Variants in SMC3 observed in about 807,000 individuals in gnomAD.
The protein encoded by SMC3 is structural maintenance of chromosomes protein 3.
In SMC3, 20 loss-of-function variants were observed where a neutral mutation model predicts 171.8. The observed-to-expected ratio is 0.12, with a 90% confidence interval of 0.08 to 0.17. The LOEUF (loss-of-function observed/expected upper bound fraction) is 0.17, where lower values mean the gene tolerates loss of function less well. Ranked by LOEUF, SMC3 falls within the 10% of genes least tolerant of loss-of-function variation. The pLI is 1.00. For synonymous variants in SMC3, 464 were observed against 451.1 expected (o/e 1.03, Z -0.36); for missense variants, 543 against 1,420.4 (o/e 0.38, Z 9.93).
intron 7 of SMC3, among the ~76,000 whole-genome samples, chr10:110,579,943 A>G (rs2419573): frequency 6.6e-6 from 1 of 151,528 alleles, no homozygotes; most frequent in Non-Finnish European, 1.5e-5. Context: ...TTCTCTCTAT[A>G]TTTAAAGCAT....
Position 110,604,382 on chromosome 10 carries a change from A to G in SMC3, c.*80A>G. The G allele has an allele frequency of 9.5e-7, 1 of 1,055,298 alleles. No individual in the cohort carries two copies. The highest frequency in any genetic ancestry group is 2.4e-5 in the East Asian group (1 of 41,300). 65.4% of individuals were successfully genotyped at this position (1,055,298 alleles called of 1,614,324 possible). A position where few individuals can be genotyped will look rare whatever the true frequency, so the allele number is the denominator to read the frequency against. ...ACCCAGGAACTGTAAATTTAAACCT[A>G]AATATTTGGCCAATAGTTTTCAGAC... On this transcript the variant is annotated 3_prime_UTR_variant, in exon 29 of 29. Transcript: ENST00000361804.
At chr10:110,595,136 C>T (rs1405449188) in intron 18 of SMC3, among the ~76,000 whole-genome samples, 1 of 152,056 alleles carries the variant, frequency 6.6e-6, no homozygotes, top group Non-Finnish European at 1.5e-5. Flanking sequence ...ACATGCGCCA[C>T]TATGCCCGGC....
intron 13 of SMC3, among the ~76,000 whole-genome samples, chr10:110,587,756 T>C (rs1861145581): frequency 6.6e-6 from 1 of 152,120 alleles, no homozygotes. Context: ...GTCTGAATTG[T>C]TTAGGACTGT....
intron 13 of SMC3, among the ~76,000 whole-genome samples, chr10:110,584,857 T>C (rs1178053359): frequency 6.6e-6 from 1 of 152,196 alleles, no homozygotes; most frequent in African/African-American, 2.4e-5. Flanking sequence ...AATCTTGGGC[T>C]TAAGCAATCC....
In SMC3 at chr10:110,589,302, T is replaced by C. The variant is rs12260969; in HGVS notation, c.1306-303T>C. The stretch of plus-strand genomic sequence containing the variant: ...TCATTGAGGTATAATTCACATACAG[T>C]AAATTGTACATATTTAGTGTACATC... On this transcript the variant is annotated intron_variant, in intron 13 of 28. Coordinates refer to ENST00000361804, the MANE Select transcript of SMC3 (RefSeq NM_005445.4). Among the ~76,000 whole-genome samples, 3,708 of 152,298 alleles carry C rather than the reference T, an allele frequency of 0.024. 145 individuals carry two copies. Among genetic ancestry groups the C allele is most frequent in the African/African-American group, 0.084 (3,492 of 41,548 alleles).
chr10:110,602,212 A>G (rs1421112691), intron 25 of SMC3, 34 bp downstream of exon 25: 3 of 1,535,708 alleles, frequency 2.0e-6, no homozygotes, highest in Non-Finnish European at 2.7e-6. Flanking sequence ...ACATACACAC[A>G]GAGGACAAAA....
intron 13 of SMC3, among the ~76,000 whole-genome samples, chr10:110,587,055 TTTA>T (rs944527166): frequency 6.6e-6 from 1 of 152,196 alleles, no homozygotes; most frequent in African/African-American, 2.4e-5. Context: ...TTTTGGTGGT[TTTA>T]TTATGCTTTA....
In SMC3 at chr10:110,589,883, AT is replaced by A. The variant is rs1373141625; in HGVS notation, c.1410-6del. On this transcript the variant is annotated splice_polypyrimidine_tract_variant and splice_region_variant and intron_variant, in intron 14 of 28. Coordinates refer to ENST00000361804, the MANE Select transcript of SMC3 (RefSeq NM_005445.4). Reference sequence around the variant, plus strand: ...TAAAATTAAAGACAGTCTACTTTTTATTTATTAGCTACTTGTGGAGAGAAGA... The same window carrying A: ...TAAAATTAAAGACAGTCTACTTTTTATTATTAGCTACTTGTGGAGAGAAGA... The A allele has an allele frequency of 6.2e-7, 1 of 1,611,654 alleles. No homozygotes were observed. The highest frequency in any genetic ancestry group is 1.3e-5 in the African/African-American group (1 of 74,590).
Position 110,578,661 on chromosome 10 carries a change from T to C in SMC3, c.384T>C (p.Ala128=), listed in dbSNP as rs376176857. The change falls in exon 7 of 29, where the codon GCT becomes GCC. Residue 128 remains alanine (A), a synonymous_variant. Coordinates refer to ENST00000361804, the MANE Select transcript of SMC3 (RefSeq NM_005445.4). ...KNDVMNLLES[A]GFSRSNPYYI... is the part of the protein sequence containing the mutation. ...ATGTGATGAACCTCCTTGAAAGCGC[T>C]GGTTTTTCTCGAAGCAATCCTTATT... 8.1e-6 allele frequency: 13 copies of C among 1,611,086 alleles called. No individual in the cohort carries two copies. In the African/African-American group the frequency reaches 1.2e-4, roughly 15 times the overall value.
chr10:110,567,910 C>T (rs1215748634), intron 1 of SMC3, 79 bp downstream of exon 1: 2 of 1,436,804 alleles, frequency 1.4e-6, no homozygotes, highest in Admixed American at 2.1e-5. Context: ...CGGCGCCACC[C>T]GCAGCCTCTC....
At chr10:110,600,217 G>A (rs1861364996) in intron 21 of SMC3, among the ~76,000 whole-genome samples, 1 of 152,130 alleles carries the variant, frequency 6.6e-6, no homozygotes, top group Non-Finnish European at 1.5e-5. Context: ...TAAAGAAACT[G>A]TTTTTGACAG....
intron 13 of SMC3, among the ~76,000 whole-genome samples, chr10:110,585,409 C>T (rs1861096360): frequency 6.6e-6 from 1 of 151,794 alleles, no homozygotes; most frequent in African/African-American, 2.4e-5. Context: ...CTGCCTCAGC[C>T]TCCCGAGTGG....
intron 19 of SMC3, among the ~76,000 whole-genome samples, chr10:110,597,044 T>C (rs1351600168): frequency 6.6e-6 from 1 of 151,582 alleles, no homozygotes; most frequent in African/African-American, 2.4e-5. Flanking sequence ...CTTGGGAGGC[T>C]GAGGCAGGAG....
intron 18 of SMC3, among the ~76,000 whole-genome samples, chr10:110,594,164 C>G (rs957314401): frequency 7.3e-5 from 11 of 151,412 alleles, no homozygotes; most frequent in African/African-American, 2.7e-4. Flanking sequence ...CTGTTTGAAG[C>G]ATATGGATCC....
intron 28 of SMC3, among the ~76,000 whole-genome samples, 168 bp downstream of exon 28, chr10:110,603,458 AT>A (rs763854099): frequency 9.9e-5 from 15 of 152,186 alleles, no homozygotes; most frequent in Admixed American, 6.5e-4. Context: ...GTTTAGCAGT[AT>A]TTTATGGCGT....
At chr10:110,577,109 G>A (rs144503846) in intron 4 of SMC3, among the ~76,000 whole-genome samples, 500 of 152,218 alleles carry the variant, frequency 3.3e-3, no homozygotes, top group Non-Finnish European at 5.2e-3. Flanking sequence ...ACTTTGACAT[G>A]TCTTGCATAG....
chr10:110,581,606 C>T (rs553600879), intron 8 of SMC3, among the ~76,000 whole-genome samples: 2 of 152,122 alleles, frequency 1.3e-5, no homozygotes, highest in Non-Finnish European at 2.9e-5. Context: ...AATTTGTTCT[C>T]TGGTGCTTTT....
chr10:110,596,498 A>G lies in SMC3; in HGVS notation c.2064A>G (p.Glu688=), dbSNP rs767751857. ...LQKDVRKAEE[E]LGELEAKLNE... ...AAGATGTTAGAAAAGCAGAAGAAGA[A>G]CTAGGTGAACTTGAAGCAAAGCTCA... The change falls in exon 19 of 29, where the codon GAA becomes GAG. Residue 688 remains glutamate (E), a synonymous_variant. Coordinates refer to ENST00000361804, the MANE Select transcript of SMC3 (RefSeq NM_005445.4). 1.4e-5 allele frequency: 23 copies of G among 1,613,998 alleles called. No individual in the cohort carries two copies. Among genetic ancestry groups the G allele is most frequent in the East Asian group, 4.5e-5 (2 of 44,872 alleles).
chr10:110,590,357 C>A (rs2134736517), intron 15 of SMC3, 55 bp from the exon 16 acceptor site: 1 of 1,437,800 alleles, frequency 7.0e-7, no homozygotes, highest in Non-Finnish European at 9.8e-7. Context: ...CATTCCTTAC[C>A]AGGAGTGCCA....
Sources: gnomAD v4.1 joint callset for allele counts (sites outside exome capture counted in the v4.1 genomes callset) on GRCh38, gnomAD v4.1.1 for gene constraint, MANE v1.5 for transcripts, NCBI Gene and HGNC (gene_info 2026-07-23, HGNC 2026-07-21) for gene names.